ARL8B: variants seen among roughly 807,000 people sequenced by gnomAD.
ARL8B encodes the protein ADP-ribosylation factor-like protein 8B.
ARL8B carries 9 observed loss-of-function variants against 30.6 expected under a neutral mutation model. That is an observed-to-expected ratio of 0.29 (90% CI 0.18 to 0.51). ARL8B has a LOEUF of 0.51. Ranked by LOEUF, ARL8B falls within the 20% of genes least tolerant of loss-of-function variation. ARL8B has a pLI of 0.97. For synonymous variants in ARL8B, 74 were observed against 76.0 expected (o/e 0.97, Z 0.14); for missense variants, 130 against 227.2 (o/e 0.57, Z 2.75).
intron 1 of ARL8B, among the ~76,000 whole-genome samples, chr3:5,125,081 C>G (rs2054218726): frequency 2.0e-5 from 3 of 152,118 alleles, no homozygotes; most frequent in Admixed American, 2.0e-4. Context: ...TCAGACAGCC[C>G]TGGATTTGAA....
chr3:5,179,912 C>A lies in ARL8B; in HGVS notation c.*1199C>A, dbSNP rs1158217878. On this transcript the variant is annotated 3_prime_UTR_variant, in exon 7 of 7. Coordinates refer to ENST00000256496, the MANE Select transcript of ARL8B (RefSeq NM_018184.3). ...ATGCTGTTTGTTTGCTTCTATGATA[C>A]AGAGATGTCTAAAAACTTCAAATGG... 1 of 152,570 alleles carries A rather than the reference C, an allele frequency of 6.6e-6. No individual in the cohort carries two copies. The highest frequency in any genetic ancestry group is 1.5e-5 in the Non-Finnish European group (1 of 68,036). The allele number at this position is 152,570 out of a possible 1,614,324, so 9.5% of individuals were successfully genotyped here.
At chr3:5,162,249 G>A (rs2054590351) in intron 1 of ARL8B, among the ~76,000 whole-genome samples, 1 of 152,222 alleles carries the variant, frequency 6.6e-6, no homozygotes, top group Non-Finnish European at 1.5e-5. Flanking sequence ...TGCCACAGAT[G>A]AAAGAGAATG....
chr3:5,130,603 G>T (rs992468414), intron 1 of ARL8B, among the ~76,000 whole-genome samples: 1 of 151,516 alleles, frequency 6.6e-6, no homozygotes, highest in African/African-American at 2.4e-5. Context: ...GCATGATCTC[G>T]GTTGACTGTA....
chr3:5,130,185 A>T lies in ARL8B; in HGVS notation c.123+7597A>T, dbSNP rs902568158. Among the ~76,000 whole-genome samples, 26 of 121,968 alleles carry T rather than the reference A, an allele frequency of 2.1e-4. 1 individual carries two copies. The highest frequency in any genetic ancestry group is 9.3e-4 in the African/African-American group (22 of 23,680). 80.0% of individuals were successfully genotyped at this position (121,968 alleles called of 152,430 possible). ...GACCAAGGTCATATTCTCTTAAAAAAAAATATATATTTTTTTTTTGTAGAG... is the reference window on the plus strand; with the variant it reads ...GACCAAGGTCATATTCTCTTAAAAATAAATATATATTTTTTTTTTGTAGAG... On this transcript the variant is annotated intron_variant, in intron 1 of 6. Transcript: ENST00000256496.
intron 1 of ARL8B, among the ~76,000 whole-genome samples, chr3:5,127,215 A>G (rs749457990): frequency 4.6e-5 from 7 of 152,232 alleles, no homozygotes; most frequent in Non-Finnish European, 8.8e-5. Flanking sequence ...TTCCAAGGCA[A>G]CAAAGCTAAT....
At chr3:5,167,951 A>T (rs758628480) in intron 1 of ARL8B, among the ~76,000 whole-genome samples, 13 of 152,220 alleles carry the variant, frequency 8.5e-5, no homozygotes, top group Non-Finnish European at 1.9e-4. Context: ...ACTAGGAAAG[A>T]AGTAGAAAAT....
At chr3:5,172,061 T>C in intron 2 of ARL8B, 89 bp from the exon 3 acceptor site, 5 of 1,263,048 alleles carry the variant, frequency 4.0e-6, no homozygotes, top group Non-Finnish European at 5.7e-6. Flanking sequence ...TAAATATATC[T>C]TCCCGATCTT....
At chr3:5,148,014 A>G (rs1297690796) in intron 1 of ARL8B, among the ~76,000 whole-genome samples, 1 of 151,412 alleles carries the variant, frequency 6.6e-6, no homozygotes, top group African/African-American at 2.4e-5. Flanking sequence ...TTTGGGGTCA[A>G]CGTTTGGAGA....
intron 1 of ARL8B, among the ~76,000 whole-genome samples, chr3:5,158,600 T>G (rs2054552154): frequency 6.6e-6 from 1 of 152,212 alleles, no homozygotes; most frequent in African/African-American, 2.4e-5. Flanking sequence ...TGTTACCTAG[T>G]GTGACTGTCT....
intron 1 of ARL8B, among the ~76,000 whole-genome samples, chr3:5,161,578 A>G (rs1402448819): frequency 6.6e-6 from 1 of 152,214 alleles, no homozygotes; most frequent in Non-Finnish European, 1.5e-5. Context: ...GGTTTGAGCT[A>G]GTATAGGCAC....
intron 1 of ARL8B, among the ~76,000 whole-genome samples, chr3:5,133,296 A>G (rs1313193878): frequency 1.3e-5 from 2 of 152,232 alleles, no homozygotes; most frequent in East Asian, 3.8e-4. Flanking sequence ...TTTAATTCAG[A>G]GGAATAAGAT....
At chr3:5,129,069 T>C (rs983140649) in intron 1 of ARL8B, among the ~76,000 whole-genome samples, 1 of 152,242 alleles carries the variant, frequency 6.6e-6, no homozygotes, top group African/African-American at 2.4e-5. Flanking sequence ...GAGGATGTGT[T>C]CCAGAGTTGG....
intron 1 of ARL8B, among the ~76,000 whole-genome samples, chr3:5,130,520 TTGTG>T (rs199722970): frequency 2.6e-5 from 4 of 151,874 alleles, no homozygotes; most frequent in Non-Finnish European, 5.9e-5. Flanking sequence ...GCTTGCTTGC[TTGTG>T]TGTGTGTGTG....
chr3:5,174,825 G>C (rs891702221), intron 6 of ARL8B, among the ~76,000 whole-genome samples: 1 of 147,034 alleles, frequency 6.8e-6, no homozygotes, highest in African/African-American at 2.5e-5. Context: ...TATTTTTTGA[G>C]ACAGTGTCAC....
chr3:5,139,646 C>T (rs1283393834), intron 1 of ARL8B, among the ~76,000 whole-genome samples: 1 of 152,164 alleles, frequency 6.6e-6, no homozygotes, highest in African/African-American at 2.4e-5. Flanking sequence ...ACTGCAGTTT[C>T]AGTAAGCAGT....
At chr3:5,124,964 T>G (rs895490616) in intron 1 of ARL8B, among the ~76,000 whole-genome samples, 3 of 152,224 alleles carry the variant, frequency 2.0e-5, no homozygotes, top group South Asian at 4.1e-4. Context: ...TGAGTTGTTA[T>G]GCTTGGGAAC....
At chr3:5,129,627 A>C (rs1218719118) in intron 1 of ARL8B, among the ~76,000 whole-genome samples, 1 of 151,758 alleles carries the variant, frequency 6.6e-6, no homozygotes, top group Non-Finnish European at 1.5e-5. Context: ...TGCAGCCTCC[A>C]CCTCCTGGGC....
chr3:5,164,955 C>G (rs1037310923), intron 1 of ARL8B, among the ~76,000 whole-genome samples: 1 of 152,106 alleles, frequency 6.6e-6, no homozygotes, highest in Non-Finnish European at 1.5e-5. Flanking sequence ...TTGGGTTTGT[C>G]TGATGATTAG....
At chr3:5,135,830 A>G (rs1269610445) in intron 1 of ARL8B, among the ~76,000 whole-genome samples, 1 of 148,160 alleles carries the variant, frequency 6.7e-6, no homozygotes, top group Non-Finnish European at 1.5e-5. Context: ...TCTGTCGCCC[A>G]GGCTGGAGTG....
Sources: allele counts gnomAD v4.1 joint callset (sites outside exome capture counted in the v4.1 genomes callset), GRCh38; gene constraint gnomAD v4.1.1; transcripts MANE v1.5; gene names NCBI Gene and HGNC (gene_info 2026-07-23, HGNC 2026-07-21).